CNTN4: variants seen among roughly 807,000 people sequenced by gnomAD.
CNTN4 encodes the protein contactin 4.
CNTN4 carries 77 observed loss-of-function variants against 122.5 expected under a neutral mutation model. The ratio of observed to expected loss-of-function variants is 0.63; its 90% CI spans 0.52 to 0.76. The LOEUF is 0.76. CNTN4 is among the 30% of genes least tolerant of loss of function. The probability of loss-of-function intolerance (pLI) is 0.00; values close to 1 mark genes in which losing one functional copy is unlikely to be tolerated. For synonymous variants in CNTN4, 512 were observed against 447.0 expected (o/e 1.15, Z -1.83); for missense variants, 1,256 against 1,259.1 (o/e 1.00, Z 0.04).
intron 4 of CNTN4, among the ~76,000 whole-genome samples, chr3:2,693,417 A>C (rs1296823399): frequency 6.6e-6 from 1 of 152,188 alleles, no homozygotes; most frequent in African/African-American, 2.4e-5. Flanking sequence ...GTTTAGATGC[A>C]GGCAGAATAC....
intron 16 of CNTN4, among the ~76,000 whole-genome samples, chr3:3,034,199 C>T (rs1699405847): frequency 6.6e-6 from 1 of 152,130 alleles, no homozygotes; most frequent in African/African-American, 2.4e-5. Flanking sequence ...ATAACCATTT[C>T]CAGCAGACTA....
intron 6 of CNTN4, among the ~76,000 whole-genome samples, chr3:2,765,519 A>T (rs993480526): frequency 1.3e-5 from 2 of 152,310 alleles, no homozygotes; most frequent in African/African-American, 4.8e-5. Context: ...CTGGGATTAG[A>T]CAGCTAATCA....
At chr3:2,980,085 A>G (rs955328148) in intron 13 of CNTN4, among the ~76,000 whole-genome samples, 1 of 152,210 alleles carries the variant, frequency 6.6e-6, no homozygotes, top group Non-Finnish European at 1.5e-5. Context: ...CAACTTTTCA[A>G]TGGCTGCAAC....
At chr3:3,013,256 C>T (rs1269471168) in intron 14 of CNTN4, among the ~76,000 whole-genome samples, 1 of 152,140 alleles carries the variant, frequency 6.6e-6, no homozygotes, top group Non-Finnish European at 1.5e-5. Context: ...GAATGACTTG[C>T]TGGTGGTTTC....
intron 3 of CNTN4, among the ~76,000 whole-genome samples, chr3:2,415,765 A>G (rs774920052): frequency 6.6e-6 from 1 of 152,094 alleles, no homozygotes; most frequent in African/African-American, 2.4e-5. Context: ...TTTCTGCACT[A>G]TTGAGGTTGA....
At chr3:2,235,977 A>G (rs1191536007) in intron 2 of CNTN4, among the ~76,000 whole-genome samples, 9 of 152,150 alleles carry the variant, frequency 5.9e-5, no homozygotes, top group Admixed American at 5.9e-4. Context: ...AAATGTTATT[A>G]TAGGAGATAC....
chr3:2,384,113 A>G (rs1326608237), intron 3 of CNTN4, among the ~76,000 whole-genome samples: 1 of 152,176 alleles, frequency 6.6e-6, no homozygotes, highest in African/African-American at 2.4e-5. Context: ...TGTTGGGTGA[A>G]TCAAATAAGC....
intron 4 of CNTN4, among the ~76,000 whole-genome samples, chr3:2,711,048 C>T (rs946893649): frequency 2.0e-5 from 3 of 152,078 alleles, no homozygotes; most frequent in African/African-American, 7.2e-5. Flanking sequence ...GTCAATCAGC[C>T]CAAAGTAGAG....
At chr3:2,233,755 T>G (rs2149561080) in intron 2 of CNTN4, among the ~76,000 whole-genome samples, 1 of 152,292 alleles carries the variant, frequency 6.6e-6, no homozygotes, top group Non-Finnish European at 1.5e-5. Context: ...CTTACTCCTC[T>G]AATTTTGTGG....
intron 8 of CNTN4, among the ~76,000 whole-genome samples, chr3:2,875,955 A>C (rs2093839687): frequency 6.6e-6 from 1 of 152,226 alleles, no homozygotes; most frequent in South Asian, 2.1e-4. Context: ...CGTCCAGCGC[A>C]AGCAGAGGTA....
intron 16 of CNTN4, among the ~76,000 whole-genome samples, chr3:3,032,800 G>C (rs1342727585): frequency 6.6e-6 from 1 of 152,184 alleles, no homozygotes; most frequent in Non-Finnish European, 1.5e-5. Flanking sequence ...ATGCCCCTGA[G>C]TGTGTTATCA....
At chr3:2,325,300 A>G (rs368957893) in intron 2 of CNTN4, among the ~76,000 whole-genome samples, 36 of 152,306 alleles carry the variant, frequency 2.4e-4, no homozygotes, top group East Asian at 2.3e-3. Flanking sequence ...TTTGCTTTAT[A>G]TAATATTTTC....
chr3:2,251,619 A>G (rs2040382706), intron 2 of CNTN4, among the ~76,000 whole-genome samples: 1 of 151,900 alleles, frequency 6.6e-6, no homozygotes, highest in African/African-American at 2.4e-5. Flanking sequence ...GAGAGAAATG[A>G]AGCATTGTTA....
At chr3:2,745,911 G>A (rs1489993493) in intron 6 of CNTN4, among the ~76,000 whole-genome samples, 1 of 152,106 alleles carries the variant, frequency 6.6e-6, no homozygotes, top group East Asian at 1.9e-4. Flanking sequence ...TAAGGATTGA[G>A]ATAGTTGATT....
chr3:2,307,146 A>C (rs2042738235), intron 2 of CNTN4, among the ~76,000 whole-genome samples: 1 of 152,132 alleles, frequency 6.6e-6, no homozygotes. Flanking sequence ...ATTGAATTGA[A>C]ATAGCAAGGC....
intron 6 of CNTN4, among the ~76,000 whole-genome samples, chr3:2,818,187 T>C (rs533362993): frequency 3.9e-5 from 6 of 152,366 alleles, no homozygotes; most frequent in Non-Finnish European, 7.3e-5. Flanking sequence ...TGGTACTTAA[T>C]GGAGTTTTTA....
chr3:2,519,493 C>T (rs985717566), intron 3 of CNTN4, among the ~76,000 whole-genome samples: 7 of 152,170 alleles, frequency 4.6e-5, no homozygotes, highest in African/African-American at 1.7e-4. Context: ...GGGTTCCCTT[C>T]TCTGGCAAGA....
chr3:2,946,487 G>A (rs2094679745), intron 13 of CNTN4, among the ~76,000 whole-genome samples: 3 of 152,282 alleles, frequency 2.0e-5, no homozygotes, highest in South Asian at 2.1e-4. Flanking sequence ...AGCAAGAAGA[G>A]TATTTAGAAT....
chr3:2,697,665 A>G (rs1401297397), intron 4 of CNTN4, among the ~76,000 whole-genome samples: 1 of 152,150 alleles, frequency 6.6e-6, no homozygotes, highest in Non-Finnish European at 1.5e-5. Flanking sequence ...CATCACTTGA[A>G]TTAGTCATGG....
Sources: allele counts gnomAD v4.1 joint callset (sites outside exome capture counted in the v4.1 genomes callset), GRCh38; gene constraint gnomAD v4.1.1; transcripts MANE v1.5; gene names NCBI Gene and HGNC (gene_info 2026-07-23, HGNC 2026-07-21).